Variants in CHD9 observed in about 807,000 individuals in gnomAD.
CHD9 encodes the protein chromodomain helicase DNA binding protein 9.
In CHD9, 77 loss-of-function variants were observed where a neutral mutation model predicts 316.1. That is an observed-to-expected ratio of 0.24 (90% CI 0.20 to 0.29). The LOEUF is 0.29. Among genes scored for constraint, CHD9 ranks in the 10% least tolerant of loss-of-function variants. CHD9 has a pLI of 1.00. For missense variants in CHD9, 2,763 were observed against 3,438.1 expected (o/e 0.80, Z 4.91); for synonymous variants, 1,129 against 1,158.3 (o/e 0.97, Z 0.51).
At chr16:53,198,875 A>G (rs565138714) in intron 2 of CHD9, among the ~76,000 whole-genome samples, 2 of 152,314 alleles carry the variant, frequency 1.3e-5, no homozygotes, top group South Asian at 2.1e-4. Context: ...CAGATTTCCT[A>G]TAGATAAGTC....
At chr16:53,208,304 G>C (rs904018550) in intron 2 of CHD9, 8 of 1,278,900 alleles carry the variant, frequency 6.3e-6, no homozygotes, top group Non-Finnish European at 8.1e-6. Flanking sequence ...GCAAGCCTTT[G>C]TCTGACGCCA....
chr16:53,157,798 T>C (rs2041626036), intron 2 of CHD9, among the ~76,000 whole-genome samples: 1 of 152,204 alleles, frequency 6.6e-6, no homozygotes. Flanking sequence ...GTGATGTTTA[T>C]GAATACCTTT....
At chr16:53,196,235 G>A (rs1487896410) in intron 2 of CHD9, among the ~76,000 whole-genome samples, 1 of 152,112 alleles carries the variant, frequency 6.6e-6, no homozygotes, top group African/African-American at 2.4e-5. Flanking sequence ...TGTATCACAT[G>A]TATAGGTTCA....
chr16:53,260,361 C>T (rs184565259), intron 19 of CHD9, among the ~76,000 whole-genome samples: 15 of 152,254 alleles, frequency 9.9e-5, no homozygotes, highest in African/African-American at 1.2e-4. Context: ...TGCTTGTTGT[C>T]CCAGCTACTT....
intron 20 of CHD9, among the ~76,000 whole-genome samples, chr16:53,265,473 CAG>C (rs1359047399): frequency 1.3e-5 from 2 of 151,670 alleles, no homozygotes; most frequent in Admixed American, 6.6e-5. Context: ...ATGGTACTGA[CAG>C]AAAGATACCA....
At chr16:53,307,660 T>C (rs986388636) in intron 32 of CHD9, 21 bp from the exon 33 acceptor site, 5 of 1,571,696 alleles carry the variant, frequency 3.2e-6, no homozygotes, top group Non-Finnish European at 4.3e-6. Context: ...AATTACACTT[T>C]GATGTTGCAC....
At chr16:53,125,371 G>A (rs1210221112) in intron 1 of CHD9, among the ~76,000 whole-genome samples, 1 of 151,804 alleles carries the variant, frequency 6.6e-6, no homozygotes, top group African/African-American at 2.4e-5. Context: ...TTATAGGCAC[G>A]TGCCAACATG....
chr16:53,129,672 C>A (rs1392287530), intron 1 of CHD9, among the ~76,000 whole-genome samples: 1 of 152,238 alleles, frequency 6.6e-6, no homozygotes, highest in Non-Finnish European at 1.5e-5. Context: ...TGAAATATCA[C>A]CTGCACTGGA....
chr16:53,254,135 C>T (rs867153567), intron 17 of CHD9, among the ~76,000 whole-genome samples: 20 of 152,078 alleles, frequency 1.3e-4, no homozygotes, highest in Non-Finnish European at 2.6e-4. Context: ...CAAGATCGCA[C>T]GACTGCACTC....
intron 27 of CHD9, among the ~76,000 whole-genome samples, 189 bp from the exon 28 acceptor site, chr16:53,291,536 A>C (rs2054333321): frequency 6.6e-6 from 1 of 152,256 alleles, no homozygotes; most frequent in South Asian, 2.1e-4. Context: ...TGTCAAAAGC[A>C]ATAGAGAAGT....
rs915194781 is a variant in CHD9, at chr16:53,072,616, TC to T, written c.-165+17541del. The stretch of plus-strand genomic sequence containing the variant: ...GTCTCGAACTCCTGGGTTCAAGCAA[TC>T]CTCTTGCCTCAGCTTCCCAAAATGC... On this transcript the variant is annotated intron_variant, in intron 1 of 38. Coordinates refer to ENST00000447540, the MANE Select transcript of CHD9 (RefSeq NM_001308319.2). Among the ~76,000 whole-genome samples the T allele has an allele frequency of 1.3e-4, 20 of 151,806 alleles. 1 individual carries two copies. The highest frequency in any genetic ancestry group is 1.2e-3 in the Admixed American group (19 of 15,254).
intron 27 of CHD9, among the ~76,000 whole-genome samples, chr16:53,288,389 A>C (rs1427211073): frequency 6.6e-6 from 1 of 152,230 alleles, no homozygotes; most frequent in Non-Finnish European, 1.5e-5. Context: ...TTTGAGATAG[A>C]GGGTAGAGCA....
In CHD9 at chr16:53,126,287, G is replaced by C. The variant is rs193045126; in HGVS notation, c.-164-29639G>C. ...GTGTGTATCCAGCAGTCCCACCATT[G>C]GTTTAAAGGACTACTCTTTCCCAAT... On this transcript the variant is annotated intron_variant, in intron 1 of 38. Coordinates refer to ENST00000447540, the MANE Select transcript of CHD9 (RefSeq NM_001308319.2). Among the ~76,000 whole-genome samples the C allele has an allele frequency of 2.0e-5, 3 of 152,194 alleles. No homozygotes were observed. In the East Asian group the frequency reaches 5.8e-4, roughly 29 times the overall value.
chr16:53,232,608 G>A (rs992907976), intron 10 of CHD9, among the ~76,000 whole-genome samples: 5 of 151,972 alleles, frequency 3.3e-5, no homozygotes, highest in African/African-American at 4.8e-5. Flanking sequence ...TATAAGTCAC[G>A]TAAAGTATTT....
At chr16:53,179,366 A>C (rs2043318158) in intron 2 of CHD9, among the ~76,000 whole-genome samples, 1 of 151,944 alleles carries the variant, frequency 6.6e-6, no homozygotes, top group African/African-American at 2.4e-5. Flanking sequence ...CTCTTAAAAT[A>C]TCAGTTTTGA....
chr16:53,138,122 G>A (rs562390877), intron 1 of CHD9, among the ~76,000 whole-genome samples: 4 of 152,038 alleles, frequency 2.6e-5, no homozygotes, highest in Non-Finnish European at 5.9e-5. Flanking sequence ...TACTGATAGG[G>A]GATATACATC....
At chr16:53,132,232 G>A (rs887670463) in intron 1 of CHD9, among the ~76,000 whole-genome samples, 58 of 152,108 alleles carry the variant, frequency 3.8e-4, no homozygotes, top group African/African-American at 1.4e-3. Flanking sequence ...GAAAGTCTGG[G>A]ATTTGACGCT....
At chr16:53,237,802 T>A (rs577900998) in intron 11 of CHD9, among the ~76,000 whole-genome samples, 3 of 151,684 alleles carry the variant, frequency 2.0e-5, no homozygotes, top group African/African-American at 7.3e-5. Context: ...TCCATACTCA[T>A]TGAATCAGAA....
At chr16:53,305,670 G>A (rs1004120939) in intron 31 of CHD9, among the ~76,000 whole-genome samples, 2 of 152,192 alleles carry the variant, frequency 1.3e-5, no homozygotes, top group African/African-American at 4.8e-5. Flanking sequence ...CAGCAGAACA[G>A]TGTTTGGTGG....
Sources: allele counts gnomAD v4.1 joint callset (sites outside exome capture counted in the v4.1 genomes callset), GRCh38; gene constraint gnomAD v4.1.1; transcripts MANE v1.5; gene names NCBI Gene and HGNC (gene_info 2026-07-23, HGNC 2026-07-21).